EVI5: variants seen among roughly 807,000 people sequenced by gnomAD.
The protein encoded by EVI5 is ecotropic viral integration site 5 protein homolog.
A neutral mutation model predicts 112.0 loss-of-function variants in EVI5; 73 were observed. The observed-to-expected ratio is 0.65, with a 90% confidence interval of 0.54 to 0.79. The LOEUF is 0.79. Among genes scored for constraint, EVI5 ranks in the 30% least tolerant of loss-of-function variants. The pLI is 0.00. For synonymous variants in EVI5, 305 were observed against 319.9 expected (o/e 0.95, Z 0.50); for missense variants, 900 against 968.8 (o/e 0.93, Z 0.94).
intron 1 of EVI5, chr1:92,749,066 CAAAAAAAAAAAA>C (rs60282362): frequency 1.9e-5 from 2 of 104,034 alleles, no homozygotes; most frequent in African/African-American, 7.7e-5. Flanking sequence ...AACTCTGTCT[CAAAAAAAAAAAA>C]AAAAAAAGAA....
intron 17 of EVI5, 63 bp from the exon 18 acceptor site, chr1:92,605,465 A>G: frequency 9.1e-7 from 1 of 1,097,328 alleles, no homozygotes; most frequent in Non-Finnish European, 1.4e-6. Flanking sequence ...AGATTTTAGA[A>G]AAGTAATAGG....
At chr1:92,644,483 A>G (rs1572078611) in intron 13 of EVI5, among the ~76,000 whole-genome samples, 1 of 152,070 alleles carries the variant, frequency 6.6e-6, no homozygotes, top group African/African-American at 2.4e-5. Flanking sequence ...AAGTTTCTCT[A>G]CTTTTGTTTT....
chr1:92,727,393 A>G (rs1675740485), intron 2 of EVI5, among the ~76,000 whole-genome samples: 1 of 152,150 alleles, frequency 6.6e-6, no homozygotes, highest in African/African-American at 2.4e-5. Context: ...AGGTTTGGCC[A>G]TCTGACTTAC....
intron 2 of EVI5, among the ~76,000 whole-genome samples, chr1:92,734,367 G>C (rs182452077): frequency 7.2e-5 from 11 of 152,306 alleles, no homozygotes; most frequent in Middle Eastern, 3.4e-3. Context: ...AACACTTGCC[G>C]AAAGTAACTA....
chr1:92,516,884 CA>C (rs5776148), intron 19 of EVI5, among the ~76,000 whole-genome samples: 119,753 of 142,118 alleles, frequency 0.84, 50,329 homozygotes, highest in East Asian at 0.95. Flanking sequence ...CCCTTTCCTC[CA>C]AAAAAAAAAA....
intron 10 of EVI5, among the ~76,000 whole-genome samples, chr1:92,672,548 T>C (rs1666049189): frequency 6.6e-6 from 1 of 152,248 alleles, no homozygotes. Flanking sequence ...TCCCTGAGGT[T>C]ATTTTTTCTC....
rs543667149 is a variant in EVI5 at position 92,681,628 on chromosome 1, A to G, written c.1098-4410T>C. On this transcript the variant is annotated intron_variant, in intron 9 of 19. Transcript: ENST00000684568. ...AGCAAAGAGTAAAACTTTTAAAACCAGATCATGTCACTTTTCGCAAAATCC... is the reference window on the plus strand; with the variant it reads ...AGCAAAGAGTAAAACTTTTAAAACCGGATCATGTCACTTTTCGCAAAATCC... 1.9e-4 allele frequency among the ~76,000 whole-genome samples: 29 copies of G among 152,326 alleles called. No individual in the cohort carries two copies. In the South Asian group the frequency reaches 6.0e-3, roughly 32 times the overall value.
chr1:92,566,502 G>A (rs1278274915), intron 18 of EVI5, among the ~76,000 whole-genome samples: 1 of 152,194 alleles, frequency 6.6e-6, no homozygotes, highest in East Asian at 1.9e-4. Context: ...ATACAATTAT[G>A]CACAGTGGAT....
intron 19 of EVI5, among the ~76,000 whole-genome samples, chr1:92,519,538 T>C (rs190873454): frequency 5.3e-5 from 8 of 152,218 alleles, no homozygotes; most frequent in East Asian, 1.9e-4. Flanking sequence ...ACTATTTCCA[T>C]ACAACTGATG....
In EVI5 at chr1:92,610,358, A is replaced by G. The variant is rs565654544; in HGVS notation, c.1828-2631T>C. The stretch of plus-strand genomic sequence containing the variant: ...TTGACATAAGCTGCAAATAATGTCC[A>G]TAGATAAAACCCTTCCCTGCATCCC... On this transcript the variant is annotated intron_variant, in intron 16 of 19. Coordinates refer to ENST00000684568, the MANE Select transcript of EVI5 (RefSeq NM_001350197.2). Among the ~76,000 whole-genome samples, 11 of 152,350 alleles carry G rather than the reference A, an allele frequency of 7.2e-5. No individual in the cohort carries two copies. In the East Asian group the frequency reaches 2.1e-3, roughly 29 times the overall value.
chr1:92,718,284 T>C (rs1674117292), intron 2 of EVI5, among the ~76,000 whole-genome samples: 2 of 152,164 alleles, frequency 1.3e-5, no homozygotes, highest in African/African-American at 2.4e-5. Context: ...ATTGACCACA[T>C]AGTTGGAAGT....
At chr1:92,759,889 C>T (rs1455002115) in intron 1 of EVI5, among the ~76,000 whole-genome samples, 2 of 136,826 alleles carry the variant, frequency 1.5e-5, no homozygotes, top group African/African-American at 5.2e-5. Flanking sequence ...TCTATGCATT[C>T]ATCTCTATGC....
At chr1:92,535,909 A>G (rs1005222978) in intron 19 of EVI5, among the ~76,000 whole-genome samples, 1 of 151,312 alleles carries the variant, frequency 6.6e-6, no homozygotes, top group Non-Finnish European at 1.5e-5. Flanking sequence ...ACAGTATAAT[A>G]AAAAAAAAGA....
intron 13 of EVI5, among the ~76,000 whole-genome samples, chr1:92,644,738 T>C (rs1221006740): frequency 1.3e-5 from 2 of 152,170 alleles, no homozygotes; most frequent in Non-Finnish European, 2.9e-5. Flanking sequence ...TTTCATTTAA[T>C]TAAAATATGT....
chr1:92,560,899 T>G (rs1453427500), intron 19 of EVI5, among the ~76,000 whole-genome samples: 1 of 151,950 alleles, frequency 6.6e-6, no homozygotes, highest in Non-Finnish European at 1.5e-5. Flanking sequence ...AAGCTTCTGT[T>G]CTTTATCTAA....
At chr1:92,756,800 A>T in intron 1 of EVI5, 1 of 517,552 alleles carries the variant, frequency 1.9e-6, no homozygotes, top group Non-Finnish European at 3.9e-6. Flanking sequence ...CCTGGCTTCC[A>T]AACTAGTGTT....
chr1:92,538,980 C>T (rs74101190), intron 19 of EVI5, among the ~76,000 whole-genome samples: 6,466 of 152,198 alleles, frequency 0.042, 372 homozygotes, highest in African/African-American at 0.13. Flanking sequence ...GAACTTATCA[C>T]GAAGGTTATG....
In EVI5 at chr1:92,719,602, C is replaced by A. The variant is rs181767751; in HGVS notation, c.150-14858G>T. On this transcript the variant is annotated intron_variant, in intron 2 of 19. Coordinates refer to ENST00000684568, the MANE Select transcript of EVI5 (RefSeq NM_001350197.2). ...CACAGCCAATATCATACTGAATGGG[C>A]AAAAACTGGAAGCATTCCCTTTGAA... Among the ~76,000 whole-genome samples the A allele has an allele frequency of 6.6e-5, 10 of 152,118 alleles. No homozygotes were observed. In the East Asian group the frequency reaches 1.9e-3, roughly 29 times the overall value.
intron 19 of EVI5, 45 bp downstream of exon 19, chr1:92,563,597 A>G: frequency 1.1e-6 from 1 of 952,134 alleles, no homozygotes; most frequent in South Asian, 1.5e-5. Flanking sequence ...TACAATACAG[A>G]GGAAGGAAGA....
Sources: gnomAD v4.1 joint callset for allele counts (sites outside exome capture counted in the v4.1 genomes callset) on GRCh38, gnomAD v4.1.1 for gene constraint, MANE v1.5 for transcripts, NCBI Gene and HGNC (gene_info 2026-07-23, HGNC 2026-07-21) for gene names.